LAMA2: variants seen among roughly 807,000 people sequenced by gnomAD.
LAMA2 encodes laminin subunit alpha-2.
LAMA2 carries 269 observed loss-of-function variants against 364.8 expected under a neutral mutation model. The observed-to-expected ratio is 0.74, with a 90% CI of 0.67 to 0.82. The LOEUF (loss-of-function observed/expected upper bound fraction) is 0.82, where lower values mean the gene tolerates loss of function less well. Ranked by LOEUF, LAMA2 falls within the 40% of genes least tolerant of loss-of-function variation. The pLI is 0.00. For synonymous variants in LAMA2, 1,379 were observed against 1,370.6 expected, an observed-to-expected ratio of 1.01 and a Z score of -0.14; for missense variants, 3,807 against 3,873.2, an observed-to-expected ratio of 0.98 and a Z score of 0.45.
intron 10 of LAMA2, among the ~76,000 whole-genome samples, chr6:129,179,437 A>G (rs2115018398): frequency 6.6e-6 from 1 of 152,288 alleles, no homozygotes; most frequent in South Asian, 2.1e-4. Flanking sequence ...GAAAGGGAGT[A>G]ATAAGCGAGT....
At chr6:129,211,718 A>G (rs887123261) in intron 12 of LAMA2, among the ~76,000 whole-genome samples, 12 of 152,186 alleles carry the variant, frequency 7.9e-5, no homozygotes, top group African/African-American at 2.9e-4. Context: ...TCTATAGGAA[A>G]TGTTTCTAAT....
chr6:129,457,997 C>T (rs185455818), intron 48 of LAMA2, among the ~76,000 whole-genome samples: 2 of 152,128 alleles, frequency 1.3e-5, no homozygotes, highest in South Asian at 2.1e-4. Flanking sequence ...ATCACTTTGG[C>T]GGGTAGGATT....
chr6:128,883,419 C>T, intron 1 of LAMA2, 62 bp downstream of exon 1: 1 of 1,544,918 alleles, frequency 6.5e-7, no homozygotes. Context: ...CTCACTTCTT[C>T]CACTCTTCCG....
chr6:129,367,998 T>G (rs1777867865), intron 33 of LAMA2, among the ~76,000 whole-genome samples: 1 of 152,222 alleles, frequency 6.6e-6, no homozygotes, highest in Non-Finnish European at 1.5e-5. Context: ...CCAGCAATGT[T>G]CAATGTCTAG....
At chr6:129,158,771 T>C in intron 8 of LAMA2, 3 of 1,614,230 alleles carry the variant, frequency 1.9e-6, no homozygotes, top group Non-Finnish European at 2.5e-6. Flanking sequence ...CCGGCGTAGC[T>C]GGGCTTTTGG....
intron 4 of LAMA2, among the ~76,000 whole-genome samples, chr6:129,116,833 C>G (rs1185692035): frequency 6.6e-6 from 1 of 151,778 alleles, no homozygotes; most frequent in Non-Finnish European, 1.5e-5. Context: ...CTCAATAATA[C>G]TAGATGAGCA....
At chr6:129,196,739 T>A (rs751369383) in intron 12 of LAMA2, among the ~76,000 whole-genome samples, 4 of 152,186 alleles carry the variant, frequency 2.6e-5, no homozygotes, top group Admixed American at 1.3e-4. Flanking sequence ...GCTATAAAAG[T>A]AAATAGGATA....
chr6:129,389,755 G>A (rs1449023217), intron 35 of LAMA2, among the ~76,000 whole-genome samples: 2 of 152,178 alleles, frequency 1.3e-5, no homozygotes, highest in African/African-American at 2.4e-5. Context: ...GAAAGGGGAA[G>A]TGCCACATAC....
chr6:129,062,380 A>G (rs952534456), intron 3 of LAMA2, among the ~76,000 whole-genome samples: 5 of 152,166 alleles, frequency 3.3e-5, no homozygotes, highest in Non-Finnish European at 5.9e-5. Flanking sequence ...CAAATACACT[A>G]TCTTTTCTAA....
intron 1 of LAMA2, among the ~76,000 whole-genome samples, chr6:128,946,183 A>G (rs1284111893): frequency 6.6e-6 from 1 of 152,246 alleles, no homozygotes; most frequent in Admixed American, 6.5e-5. Context: ...GTTTGTGATA[A>G]TTTATTATAC....
At chr6:128,922,139 G>A (rs1582684490) in intron 1 of LAMA2, among the ~76,000 whole-genome samples, 1 of 151,998 alleles carries the variant, frequency 6.6e-6, no homozygotes, top group African/African-American at 2.4e-5. Flanking sequence ...CCAAGTCTTT[G>A]CTATTGTGAA....
chr6:129,254,687 G>A (rs930277959), intron 14 of LAMA2, among the ~76,000 whole-genome samples: 4 of 151,874 alleles, frequency 2.6e-5, no homozygotes, highest in South Asian at 2.1e-4. Context: ...TTTTCTTCTC[G>A]CTGTCTTCAC....
At chr6:129,291,805 A>G in intron 20 of LAMA2, 85 bp downstream of exon 20, 1 of 871,918 alleles carries the variant, frequency 1.1e-6, no homozygotes, top group Non-Finnish European at 1.9e-6. Flanking sequence ...ATACCTTCGT[A>G]TATTAAAAGG....
At position 129,453,008 on chromosome 6, in the gene LAMA2, A is replaced by G. The variant is rs370601545; in HGVS notation, c.6450A>G (p.Ser2150=). 2.5e-6 allele frequency: 4 copies of G among 1,612,804 alleles called. No homozygotes were observed. The highest frequency in any genetic ancestry group is 1.1e-5 in the South Asian group (1 of 91,048). Residue 2150 remains serine (S), a synonymous_variant, in exon 46 of 65, where the codon TCA becomes TCG. Transcript: ENST00000421865. Reference sequence around the variant, plus strand: ...TAAAGATCAAAGTATCTGTGTCTTCAGGAGGTGACTGCATTCGAACATACA... The same window carrying G: ...TAAAGATCAAAGTATCTGTGTCTTCGGGAGGTGACTGCATTCGAACATACA... ...QANSIKVSVS[S]GGDCIRTYKP... is the part of the protein sequence containing the mutation.
intron 1 of LAMA2, chr6:128,929,221 C>T (rs1432604373): frequency 4.0e-6 from 6 of 1,488,194 alleles, no homozygotes; most frequent in Non-Finnish European, 1.9e-6. Context: ...GCCTTCTGAG[C>T]TTCTTCCTCT....
intron 1 of LAMA2, among the ~76,000 whole-genome samples, chr6:128,972,842 C>T (rs570388328): frequency 1.3e-5 from 2 of 152,132 alleles, no homozygotes; most frequent in African/African-American, 2.4e-5. Flanking sequence ...ACCTCGGGAA[C>T]CACTCTAATT....
chr6:129,352,505 G>A (rs1776907762), intron 31 of LAMA2, among the ~76,000 whole-genome samples: 1 of 152,212 alleles, frequency 6.6e-6, no homozygotes, highest in African/African-American at 2.4e-5. Context: ...CAGAAAATCT[G>A]AGTAGCCTAT....
Position 129,276,541 on chromosome 6 carries a change from G to A in LAMA2, c.2451-3520G>A, listed in dbSNP as rs1039171795. On this transcript the variant is annotated intron_variant, in intron 17 of 64. Coordinates refer to ENST00000421865, the MANE Select transcript of LAMA2 (RefSeq NM_000426.4). The stretch of plus-strand genomic sequence containing the variant: ...ATTTAACGTTAGAACTGAATTTCAG[G>A]ACCCACAGAAGGACCCACAGAAGAA... Among the ~76,000 whole-genome samples the A allele has an allele frequency of 9.9e-5, 15 of 151,998 alleles. No individual in the cohort carries two copies. In the South Asian group the frequency reaches 2.7e-3, roughly 27 times the overall value.
intron 39 of LAMA2, 106 bp from the exon 40 acceptor site, chr6:129,403,715 T>C (rs989057177): frequency 3.0e-6 from 3 of 992,582 alleles, no homozygotes; most frequent in South Asian, 1.3e-5. Flanking sequence ...TTGTCATAGA[T>C]ATATTGGCCA....
Sources: gnomAD v4.1 joint callset for allele counts (sites outside exome capture counted in the v4.1 genomes callset) on GRCh38, gnomAD v4.1.1 for gene constraint, MANE v1.5 for transcripts, NCBI Gene and HGNC (gene_info 2026-07-23, HGNC 2026-07-21) for gene names.